The following GABRA4 variants were observed in gnomAD, a reference collection of about 807,000 sequenced individuals.
GABRA4 encodes gamma-aminobutyric acid receptor subunit alpha-4.
GABRA4 carries 12 observed loss-of-function variants against 49.7 expected under a neutral mutation model. The ratio of observed to expected loss-of-function variants is 0.24; its 90% CI spans 0.15 to 0.39. The LOEUF (loss-of-function observed/expected upper bound fraction) is 0.39, where lower values mean the gene tolerates loss of function less well. Among genes scored for constraint, GABRA4 ranks in the 10% least tolerant of loss-of-function variants. GABRA4 has a pLI of 1.00. For synonymous variants in GABRA4, 288 were observed against 240.2 expected (o/e 1.20, Z -1.84); for missense variants, 506 against 686.0 (o/e 0.74, Z 2.93).
At chr4:46,978,273 G>A (rs138214175) in intron 3 of GABRA4, among the ~76,000 whole-genome samples, 73 of 152,156 alleles carry the variant, frequency 4.8e-4, no homozygotes, top group South Asian at 8.3e-4. Context: ...GCTGGGATGG[G>A]CAGCAAGCAA....
chr4:46,987,961 A>C (rs976480971), intron 2 of GABRA4, among the ~76,000 whole-genome samples: 22 of 152,052 alleles, frequency 1.4e-4, no homozygotes, highest in Admixed American at 6.6e-5. Context: ...CCTCTATTTA[A>C]TATCCCAACC....
intron 8 of GABRA4, among the ~76,000 whole-genome samples, chr4:46,958,595 C>T (rs1722446363): frequency 1.3e-5 from 2 of 151,930 alleles, no homozygotes; most frequent in South Asian, 4.2e-4. Flanking sequence ...CAAATAAGAA[C>T]AGGGACAAAT....
chr4:46,981,623 G>T (rs1490534403), intron 2 of GABRA4, among the ~76,000 whole-genome samples: 1 of 152,034 alleles, frequency 6.6e-6, no homozygotes, highest in South Asian at 2.1e-4. Context: ...ATGCTACATT[G>T]GTAAACAAGA....
chr4:46,931,019 T>G (rs1296774871), intron 8 of GABRA4, among the ~76,000 whole-genome samples: 2 of 151,786 alleles, frequency 1.3e-5, no homozygotes, highest in Non-Finnish European at 2.9e-5. Flanking sequence ...GAGACCAAGA[T>G]GGCTAGAGTT....
At chr4:46,976,956 T>C (rs1723157859) in intron 5 of GABRA4, 105 bp downstream of exon 5, 1 of 647,980 alleles carries the variant, frequency 1.5e-6, no homozygotes, top group Non-Finnish European at 2.7e-6. Flanking sequence ...GTTTTTGTTA[T>C]GGACCATGAC....
At position 46,979,025 on chromosome 4, in the gene GABRA4, A is replaced by T; in HGVS notation, c.273+6T>A. The T allele has an allele frequency of 6.3e-7, 1 of 1,596,384 alleles. No homozygotes were observed. Among genetic ancestry groups the T allele is most frequent in the Non-Finnish European group, 8.6e-7 (1 of 1,165,274 alleles). ...AAAAGGTACATTAAACTTCGAAAAT[A>T]CCTACCATTTCAACATCAGAAACAG... On this transcript the variant is annotated splice_donor_region_variant and intron_variant, in intron 3 of 8. Transcript: ENST00000264318.
At chr4:46,993,265 T>C in intron 1 of GABRA4, 74 bp downstream of exon 1, 5 of 1,280,638 alleles carry the variant, frequency 3.9e-6, no homozygotes, top group Non-Finnish European at 5.7e-6. Flanking sequence ...GAGGAGCGAG[T>C]GGCCAAAGGG....
At chr4:46,967,182 CTAA>C (rs1384277427) in intron 7 of GABRA4, among the ~76,000 whole-genome samples, 4 of 151,508 alleles carry the variant, frequency 2.6e-5, no homozygotes, top group African/African-American at 9.7e-5. Context: ...TATTTTTCCT[CTAA>C]TGTCATAGAA....
chr4:46,930,972 G>A (rs556875277), intron 8 of GABRA4, among the ~76,000 whole-genome samples: 2 of 151,796 alleles, frequency 1.3e-5, no homozygotes, highest in South Asian at 2.1e-4. Context: ...AAACTGGCAG[G>A]CTTCCTGAAC....
Position 46,992,143 on chromosome 4 carries a change from T to A in GABRA4, c.205+685A>T, listed in dbSNP as rs55691459. 3.1e-3 allele frequency among the ~76,000 whole-genome samples: 468 copies of A among 152,284 alleles called. 4 individuals carry two copies. The highest frequency in any genetic ancestry group is 0.01 in the African/African-American group (429 of 41,556). On this transcript the variant is annotated intron_variant, in intron 2 of 8. Coordinates refer to ENST00000264318, the MANE Select transcript of GABRA4 (RefSeq NM_000809.4). ...ATTTCCATTATATATGCAAAGGAAA[T>A]ATGAATATGAAAAACAGCAACAGTG...
intron 8 of GABRA4, among the ~76,000 whole-genome samples, chr4:46,948,868 C>G (rs142870301): frequency 6.6e-6 from 1 of 152,198 alleles, no homozygotes; most frequent in African/African-American, 2.4e-5. Flanking sequence ...TTTCACCTCT[C>G]ACCTTCATAT....
intron 7 of GABRA4, among the ~76,000 whole-genome samples, chr4:46,965,522 G>T (rs1049786765): frequency 1.3e-5 from 2 of 151,730 alleles, no homozygotes; most frequent in African/African-American, 4.8e-5. Flanking sequence ...CCACTGATTG[G>T]GTTTTCTATA....
intron 2 of GABRA4, among the ~76,000 whole-genome samples, chr4:46,982,030 A>C (rs1363071390): frequency 1.3e-5 from 2 of 152,120 alleles, no homozygotes; most frequent in Admixed American, 1.3e-4. Flanking sequence ...GATAGAATAA[A>C]AACCAGAGTA....
intron 7 of GABRA4, 118 bp from the exon 8 acceptor site, chr4:46,965,347 A>T: frequency 1.3e-6 from 1 of 778,464 alleles, no homozygotes; most frequent in Non-Finnish European, 1.9e-6. Context: ...AAACTACAAT[A>T]ACTCAAAGAA....
intron 8 of GABRA4, among the ~76,000 whole-genome samples, chr4:46,958,793 C>T (rs1722456857): frequency 6.6e-6 from 1 of 151,804 alleles, no homozygotes; most frequent in Admixed American, 6.6e-5. Flanking sequence ...AAGCCTGTGC[C>T]AGGTTATCAA....
At chr4:46,951,659 C>T (rs1367223227) in intron 8 of GABRA4, among the ~76,000 whole-genome samples, 1 of 151,736 alleles carries the variant, frequency 6.6e-6, no homozygotes, top group Non-Finnish European at 1.5e-5. Context: ...AACGGTGGGG[C>T]TTCTTCTTCC....
chr4:46,984,155 T>C (rs1014587308), intron 2 of GABRA4, among the ~76,000 whole-genome samples: 3 of 152,040 alleles, frequency 2.0e-5, no homozygotes, highest in Admixed American at 1.3e-4. Context: ...TGAGAAAACC[T>C]AGGGTGTTTT....
chr4:46,979,716 A>G (rs1167393778), intron 2 of GABRA4, among the ~76,000 whole-genome samples: 1 of 152,114 alleles, frequency 6.6e-6, no homozygotes, highest in Non-Finnish European at 1.5e-5. Flanking sequence ...AGTAGCCACC[A>G]CAACCATCAG....
At chr4:46,983,405 AG>A (rs2109401914) in intron 2 of GABRA4, among the ~76,000 whole-genome samples, 1 of 152,230 alleles carries the variant, frequency 6.6e-6, no homozygotes, top group African/African-American at 2.4e-5. Context: ...TCCTTTTTGA[AG>A]TCCCAAACTA....
Sources: gnomAD v4.1 joint callset for allele counts (sites outside exome capture counted in the v4.1 genomes callset) on GRCh38, gnomAD v4.1.1 for gene constraint, MANE v1.5 for transcripts, NCBI Gene and HGNC (gene_info 2026-07-23, HGNC 2026-07-21) for gene names.